Variants in ITGB8 observed in about 807,000 individuals in gnomAD.
ITGB8 encodes integrin subunit beta 8.
Under a neutral mutation model 89.5 loss-of-function variants are expected in ITGB8, and 30 were observed. The observed-to-expected ratio is 0.34, with a 90% confidence interval of 0.25 to 0.45. The LOEUF (loss-of-function observed/expected upper bound fraction) is 0.45. ITGB8 is among the 20% of genes least tolerant of loss of function. The pLI, the probability that ITGB8 is intolerant of heterozygous loss-of-function variation, is 1.00. For missense variants in ITGB8, 836 were observed against 933.3 expected, an observed-to-expected ratio of 0.90 and a Z score of 1.36; for synonymous variants, 335 against 320.4, an observed-to-expected ratio of 1.05 and a Z score of -0.49.
intron 1 of ITGB8, among the ~76,000 whole-genome samples, chr7:20,338,099 C>G (rs959970676): frequency 6.6e-6 from 1 of 152,224 alleles, no homozygotes; most frequent in Non-Finnish European, 1.5e-5. Flanking sequence ...CAACGCTTCA[C>G]ACACTGCCCA....
intron 9 of ITGB8, among the ~76,000 whole-genome samples, chr7:20,400,371 T>C (rs1037011354): frequency 2.0e-5 from 3 of 152,162 alleles, no homozygotes; most frequent in African/African-American, 7.2e-5. Flanking sequence ...TTAACTTATG[T>C]ATCTGTTAAG....
At chr7:20,342,368 G>A (rs529404037) in intron 1 of ITGB8, among the ~76,000 whole-genome samples, 5 of 152,274 alleles carry the variant, frequency 3.3e-5, no homozygotes, top group African/African-American at 4.8e-5. Context: ...CAGCCTAAGT[G>A]GCACTTTTAC....
At chr7:20,377,605 A>G (rs1260437417) in intron 3 of ITGB8, among the ~76,000 whole-genome samples, 1 of 152,230 alleles carries the variant, frequency 6.6e-6, no homozygotes, top group Non-Finnish European at 1.5e-5. Context: ...GAAGCCCAAA[A>G]GCAGAGCAGA....
chr7:20,333,858 A>G (rs1186769851), intron 1 of ITGB8, among the ~76,000 whole-genome samples: 1 of 152,188 alleles, frequency 6.6e-6, no homozygotes, highest in Non-Finnish European at 1.5e-5. Flanking sequence ...AAAATTAGAG[A>G]TCAGCATAAA....
At chr7:20,350,195 T>A (rs1445145275) in intron 1 of ITGB8, among the ~76,000 whole-genome samples, 3 of 152,228 alleles carry the variant, frequency 2.0e-5, no homozygotes, top group African/African-American at 7.2e-5. Flanking sequence ...TCGCCCAGGC[T>A]GGAGTGCAAT....
chr7:20,394,608 A>C (rs1013335879), intron 7 of ITGB8, among the ~76,000 whole-genome samples: 11 of 152,168 alleles, frequency 7.2e-5, no homozygotes, highest in African/African-American at 1.7e-4. Flanking sequence ...TCCATGGAAG[A>C]AATTTGGGAG....
intron 7 of ITGB8, among the ~76,000 whole-genome samples, chr7:20,392,898 T>G (rs1786921293): frequency 6.6e-6 from 1 of 152,222 alleles, no homozygotes; most frequent in Non-Finnish European, 1.5e-5. Flanking sequence ...CTGGCCAAAA[T>G]TAAATGGCCC....
rs983782981 is a variant in ITGB8 at position 20,413,078 on chromosome 7, G to C, written c.*3081G>C. ...CTTTGTTATGCATTTTATTTCTCTG[G>C]GGACACCATTGCACTGCAGTGCACA... On this transcript the variant is annotated 3_prime_UTR_variant, in exon 14 of 14. Coordinates refer to ENST00000222573, the MANE Select transcript of ITGB8 (RefSeq NM_002214.3). The C allele has an allele frequency of 6.6e-5, 10 of 151,818 alleles. No homozygotes were observed. Among genetic ancestry groups the C allele is most frequent in the African/African-American group, 1.7e-4 (7 of 41,332 alleles). 9.4% of individuals were successfully genotyped at this position (151,818 alleles called of 1,614,324 possible).
rs568484579 is a variant in ITGB8, at chr7:20,400,998, A to C, written c.1282-723A>C. On this transcript the variant is annotated intron_variant, in intron 9 of 13. Coordinates refer to ENST00000222573, the MANE Select transcript of ITGB8 (RefSeq NM_002214.3). ...TTATTTATTTATTTATTTTTGAGAT[A>C]GAGTCTCGCTGTGTCACTCAAGCTG... 5.1e-4 allele frequency among the ~76,000 whole-genome samples: 78 copies of C among 152,200 alleles called. 1 individual carries two copies. The highest frequency in any genetic ancestry group is 1.9e-3 in the African/African-American group (77 of 41,540).
chr7:20,368,796 A>AT (rs1235224826), intron 3 of ITGB8, among the ~76,000 whole-genome samples: 6 of 151,906 alleles, frequency 3.9e-5, no homozygotes, highest in African/African-American at 7.3e-5. Flanking sequence ...ATCTTTAATG[A>AT]TTTTTTTTAA....
At chr7:20,357,640 A>G (rs1785344041) in intron 1 of ITGB8, among the ~76,000 whole-genome samples, 1 of 152,216 alleles carries the variant, frequency 6.6e-6, no homozygotes, top group Non-Finnish European at 1.5e-5. Flanking sequence ...TCATCCTCAC[A>G]TCAGCAATTT....
chr7:20,341,190 T>G (rs541782406), intron 1 of ITGB8, among the ~76,000 whole-genome samples: 3 of 152,354 alleles, frequency 2.0e-5, no homozygotes, highest in African/African-American at 7.2e-5. Flanking sequence ...ATTGTGTTTT[T>G]GTGCATTTGG....
intron 1 of ITGB8, among the ~76,000 whole-genome samples, chr7:20,341,543 T>C (rs1210674388): frequency 6.6e-6 from 1 of 152,214 alleles, no homozygotes; most frequent in Non-Finnish European, 1.5e-5. Flanking sequence ...TATAGCATGT[T>C]TGATGCCTTG....
At chr7:20,368,482 T>C (rs1292508418) in intron 3 of ITGB8, among the ~76,000 whole-genome samples, 1 of 152,198 alleles carries the variant, frequency 6.6e-6, no homozygotes, top group Non-Finnish European at 1.5e-5. Flanking sequence ...ATCTTAGTAC[T>C]AGAAAGTTTG....
At chr7:20,349,952 G>T (rs1400787834) in intron 1 of ITGB8, among the ~76,000 whole-genome samples, 1 of 152,092 alleles carries the variant, frequency 6.6e-6, no homozygotes, top group Admixed American at 6.5e-5. Context: ...CTGAAGCTAC[G>T]TACCACTACA....
chr7:20,388,153 C>A (rs7786537), intron 6 of ITGB8, among the ~76,000 whole-genome samples: 1 of 152,132 alleles, frequency 6.6e-6, no homozygotes, highest in South Asian at 2.1e-4. Context: ...TCTTTCTTAC[C>A]TCTTCTTTCC....
chr7:20,410,030 G>T lies in ITGB8; in HGVS notation c.*33G>T. On this transcript the variant is annotated 3_prime_UTR_variant, in exon 14 of 14. Coordinates refer to ENST00000222573, the MANE Select transcript of ITGB8 (RefSeq NM_002214.3). ...TTTTTAAACACTTAATGGGAAACTG[G>T]AATTGTTAATAATTGCTCCTAAAGA... The T allele has an allele frequency of 6.3e-7, 1 of 1,588,984 alleles. No individual in the cohort carries two copies. Among genetic ancestry groups the T allele is most frequent in the Non-Finnish European group, 8.6e-7 (1 of 1,167,326 alleles).
chr7:20,408,522 G>A (rs1447232510), intron 12 of ITGB8, among the ~76,000 whole-genome samples: 7 of 152,128 alleles, frequency 4.6e-5, no homozygotes, highest in Non-Finnish European at 7.4e-5. Flanking sequence ...TTGGTTGGGC[G>A]GTCCACTATG....
At position 20,367,298 on chromosome 7, in the gene ITGB8, C is replaced by T. The variant is rs1785739810; in HGVS notation, c.388+112C>T. 1.4e-5 allele frequency: 11 copies of T among 793,250 alleles called. No homozygotes were observed. The South Asian group carries it at 1.7e-4, about 12-fold the overall frequency. The allele number at this position is 793,250 out of a possible 1,614,324, so 49.1% of individuals were successfully genotyped here. On this transcript the variant is annotated intron_variant, in intron 3 of 13. Transcript: ENST00000222573. ...CAGGCAGTATTGTTCTTGTAGAAACCACAGTGGACTCAGAATCAAGAAATT... is the reference window on the plus strand; with the variant it reads ...CAGGCAGTATTGTTCTTGTAGAAACTACAGTGGACTCAGAATCAAGAAATT...
Sources: allele counts gnomAD v4.1 joint callset (sites outside exome capture counted in the v4.1 genomes callset), GRCh38; gene constraint gnomAD v4.1.1; transcripts MANE v1.5; gene names NCBI Gene and HGNC (gene_info 2026-07-23, HGNC 2026-07-21).